Variants in UBTD1 observed in about 807,000 individuals in gnomAD.
The protein encoded by UBTD1 is ubiquitin domain containing 1.
UBTD1 carries 19 observed loss-of-function variants against 21.7 expected under a neutral mutation model. That is an observed-to-expected ratio of 0.87 (90% CI 0.61 to 1.28). The LOEUF (loss-of-function observed/expected upper bound fraction) is 1.28. Among genes scored for constraint, UBTD1 ranks in the 50% most tolerant of loss-of-function variants. UBTD1 has a pLI of 0.00. For missense variants in UBTD1, 282 were observed against 315.1 expected (o/e 0.89, Z 0.80); for synonymous variants, 116 against 135.1 (o/e 0.86, Z 0.98).
intron 1 of UBTD1, among the ~76,000 whole-genome samples, chr10:97,548,522 G>A (rs7919452): frequency 0.018 from 2,668 of 152,284 alleles, 80 homozygotes; most frequent in African/African-American, 0.06. Context: ...CAGGCTGGGC[G>A]CAGTGGCTCA....
At chr10:97,534,573 G>A (rs867818108) in intron 1 of UBTD1, among the ~76,000 whole-genome samples, 2,139 of 52,860 alleles carry the variant, frequency 0.04, 58 homozygotes, top group African/African-American at 0.079. Context: ...ACACACACGC[G>A]CGCGCGCACA....
At chr10:97,522,475 T>C (rs748310931) in intron 1 of UBTD1, among the ~76,000 whole-genome samples, 37 of 152,336 alleles carry the variant, frequency 2.4e-4, no homozygotes, top group Admixed American at 9.1e-4. Context: ...TTTCCTGTTA[T>C]AGCTCTTGGG....
chr10:97,508,442 A>C (rs1031926658), intron 1 of UBTD1, among the ~76,000 whole-genome samples: 2 of 152,128 alleles, frequency 1.3e-5, no homozygotes, highest in Non-Finnish European at 2.9e-5. Flanking sequence ...CCTATTTTAC[A>C]TATGGGAAAG....
At chr10:97,536,387 A>G (rs1325974946) in intron 1 of UBTD1, among the ~76,000 whole-genome samples, 1 of 152,172 alleles carries the variant, frequency 6.6e-6, no homozygotes, top group Non-Finnish European at 1.5e-5. Flanking sequence ...CAGTGGTGGC[A>G]CGGCTGGTCA....
At chr10:97,514,955 G>GAT (rs1220133412) in intron 1 of UBTD1, among the ~76,000 whole-genome samples, 16 of 152,202 alleles carry the variant, frequency 1.1e-4, no homozygotes, top group African/African-American at 3.9e-4. Context: ...CAGAGAGTCT[G>GAT]GCCTCGTGCA....
intron 1 of UBTD1, among the ~76,000 whole-genome samples, chr10:97,503,695 G>C (rs180809463): frequency 2.6e-5 from 4 of 152,188 alleles, no homozygotes; most frequent in Non-Finnish European, 5.9e-5. Context: ...CATTTGCTCA[G>C]TAAGTATGTA....
intron 1 of UBTD1, among the ~76,000 whole-genome samples, chr10:97,562,746 T>C (rs2040698741): frequency 6.6e-6 from 1 of 152,216 alleles, no homozygotes; most frequent in African/African-American, 2.4e-5. Context: ...AACTGGGCTA[T>C]TTTCACTTCT....
At position 97,537,500 on chromosome 10, in the gene UBTD1, C is replaced by T. The variant is rs561556778; in HGVS notation, c.71-30414C>T. 3.3e-5 allele frequency among the ~76,000 whole-genome samples: 5 copies of T among 152,344 alleles called. No homozygotes were observed. The East Asian group carries it at 5.8e-4, about 18-fold the overall frequency. ...GAAATGCCTCACCTCCCCTGTCACC[C>T]TCATTATTGCAGAAGGAAACTGAGG... On this transcript the variant is annotated intron_variant, in intron 1 of 2. Transcript: ENST00000370664.
chr10:97,570,646 G>A lies in UBTD1; in HGVS notation c.*123G>A, dbSNP rs553507287. On this transcript the variant is annotated 3_prime_UTR_variant, in exon 3 of 3. Transcript: ENST00000370664. This position sits in a 1 kb window ranked among gnomAD's most constrained non-coding sequence, Gnocchi z 6.6. The stretch of plus-strand genomic sequence containing the variant: ...CCTCGGTGTGGCTGGTGGGTGAGCC[G>A]TGAAGGGACCCTGCCTTTCAGGGCA... 3.5e-3 allele frequency: 4,374 copies of A among 1,254,706 alleles called. 21 individuals carry two copies. Among genetic ancestry groups the A allele is most frequent in the Middle Eastern group, 9.7e-3 (34 of 3,502 alleles). The allele number at this position is 1,254,706 out of a possible 1,614,324, so 77.7% of individuals were successfully genotyped here.
chr10:97,530,531 AT>A (rs959642236), intron 1 of UBTD1, among the ~76,000 whole-genome samples: 48 of 152,298 alleles, frequency 3.2e-4, no homozygotes, highest in African/African-American at 1.1e-3. Context: ...TAAAAACAGG[AT>A]TTTTTTGAAG....
At chr10:97,535,078 G>A (rs2040553655) in intron 1 of UBTD1, among the ~76,000 whole-genome samples, 1 of 152,114 alleles carries the variant, frequency 6.6e-6, no homozygotes, top group African/African-American at 2.4e-5. Context: ...GAGGCTGGGG[G>A]CTTCTGGGCT....
chr10:97,530,382 G>A (rs1280762066), intron 1 of UBTD1, among the ~76,000 whole-genome samples: 3 of 152,212 alleles, frequency 2.0e-5, no homozygotes, highest in Non-Finnish European at 2.9e-5. Flanking sequence ...AGGCTGCAGT[G>A]AGTTACAGTC....
chr10:97,519,403 C>G (rs7923541), intron 1 of UBTD1, among the ~76,000 whole-genome samples: 1 of 151,968 alleles, frequency 6.6e-6, no homozygotes, highest in Non-Finnish European at 1.5e-5. Context: ...TTTTCTCTGA[C>G]GATCTTTCCA....
intron 1 of UBTD1, among the ~76,000 whole-genome samples, chr10:97,562,816 A>T (rs1351075473): frequency 6.6e-6 from 1 of 152,212 alleles, no homozygotes; most frequent in African/African-American, 2.4e-5. Context: ...CACAGGACAT[A>T]TGATGGCTTA....
chr10:97,568,092 C>G lies in UBTD1; in HGVS notation c.249C>G (p.His83Gln). Residue 83 changes from histidine to glutamine, a missense_variant, in exon 2 of 3, where the codon CAC (histidine) becomes CAG (glutamine). Coordinates refer to ENST00000370664, the MANE Select transcript of UBTD1 (RefSeq NM_024954.5). ...CCTATGCTGCTGAAGCCAACGACCA[C>G]GAGCTGGCCCAGGCCATCCTGGATG... ...AAAYAAEANDHELAQAILDGA... is the reference protein window; with the variant it reads ...AAAYAAEANDQELAQAILDGA... 1 of 1,613,812 alleles carries G rather than the reference C, an allele frequency of 6.2e-7. No homozygotes were observed. The highest frequency in any genetic ancestry group is 8.5e-7 in the Non-Finnish European group (1 of 1,180,040).
intron 1 of UBTD1, among the ~76,000 whole-genome samples, chr10:97,556,313 T>C (rs2040663792): frequency 7.2e-6 from 1 of 139,792 alleles, no homozygotes; most frequent in African/African-American, 2.6e-5. Context: ...TGATCATCTA[T>C]GTGTAGACAA....
At position 97,570,982 on chromosome 10, in the gene UBTD1, T is replaced by C. The variant is rs1236999555; in HGVS notation, c.*459T>C. ...GGGAACCACCCGTGAGCCCCAGGGC[T>C]TGGGAAGCCTGAGGCGGGCCTCTGC... On this transcript the variant is annotated 3_prime_UTR_variant, in exon 3 of 3. Coordinates refer to ENST00000370664, the MANE Select transcript of UBTD1 (RefSeq NM_024954.5). The surrounding 1 kb of genome is among the most constrained non-coding windows in gnomAD (Gnocchi z 6.6). 6.2e-6 allele frequency: 1 copy of C among 161,566 alleles called. No homozygotes were observed. Among genetic ancestry groups the C allele is most frequent in the Non-Finnish European group, 1.4e-5 (1 of 72,674 alleles). 10.0% of individuals were successfully genotyped at this position (161,566 alleles called of 1,614,324 possible).
chr10:97,521,013 G>A (rs1017423519), intron 1 of UBTD1, among the ~76,000 whole-genome samples: 1 of 152,178 alleles, frequency 6.6e-6, no homozygotes, highest in Admixed American at 6.5e-5. Flanking sequence ...CACTAGGAGG[G>A]CAGGAGGGAG....
intron 1 of UBTD1, among the ~76,000 whole-genome samples, chr10:97,518,665 C>G (rs2040454624): frequency 6.6e-6 from 1 of 152,230 alleles, no homozygotes; most frequent in Non-Finnish European, 1.5e-5. Flanking sequence ...AGCTGTGCAT[C>G]TCCCTGGTCT....
Sources: gnomAD v4.1 joint callset for allele counts (sites outside exome capture counted in the v4.1 genomes callset) on GRCh38, gnomAD v4.1.1 for gene constraint, Gnocchi (gnomAD v3.1) non-coding constraint, MANE v1.5 for transcripts, NCBI Gene and HGNC (gene_info 2026-07-23, HGNC 2026-07-21) for gene names.